The following SMYD5 variants were observed in gnomAD, a reference collection of about 807,000 sequenced individuals.
SMYD5 encodes SMYD family member 5.
SMYD5 carries 35 observed loss-of-function variants against 57.4 expected under a neutral mutation model. The observed-to-expected ratio is 0.61, with a 90% CI of 0.47 to 0.81. The LOEUF (loss-of-function observed/expected upper bound fraction) is 0.81. Ranked by LOEUF, SMYD5 falls within the 30% of genes least tolerant of loss-of-function variation. The probability of loss-of-function intolerance (pLI) is 0.00; values close to 1 mark genes in which losing one functional copy is unlikely to be tolerated. For synonymous variants in SMYD5, 198 were observed against 189.7 expected (o/e 1.04, Z -0.36); for missense variants, 471 against 527.9 (o/e 0.89, Z 1.06).
chr2:73,221,285 C>T (rs1686388482), intron 5 of SMYD5, 51 bp downstream of exon 5: 1 of 1,480,836 alleles, frequency 6.8e-7, no homozygotes, highest in Non-Finnish European at 9.4e-7. Flanking sequence ...CCATTCAACC[C>T]TTGGTCTCAG....
chr2:73,222,016 T>C, intron 6 of SMYD5, 86 bp downstream of exon 6: 1 of 851,968 alleles, frequency 1.2e-6, no homozygotes, highest in Non-Finnish European at 2.0e-6. Context: ...CCACATTTGA[T>C]CACTTCTGAG....
Position 73,224,898 on chromosome 2 carries a change from T to G in SMYD5, c.973T>G (p.Ser325Ala), listed in dbSNP as rs765406963. The change falls in exon 11 of 13, where the codon TCC becomes GCC. Residue 325 changes from serine (S) to alanine (A), a missense_variant. By Grantham distance (99) the Ser-to-Ala change is moderately conservative (BLOSUM62 1). Transcript: ENST00000389501. ...CAGTTGTGTGCCCAATGCAGAGACC[T>G]CCTTTCCAGAAAACAACTTCCTTTT... ...NHSCVPNAET[S>A]FPENNFLLHV... 22 of 1,613,934 alleles carry G rather than the reference T, an allele frequency of 1.4e-5. No homozygotes were observed. Among genetic ancestry groups the G allele is most frequent in the Non-Finnish European group, 1.8e-5 (21 of 1,179,952 alleles).
intron 1 of SMYD5, 194 bp downstream of exon 1, chr2:73,214,556 G>A: frequency 6.7e-7 from 1 of 1,485,762 alleles, no homozygotes; most frequent in Non-Finnish European, 9.0e-7. Context: ...ATAGACCCGG[G>A]CCTCCGGAGT....
rs200088476 is a variant in SMYD5 at position 73,225,606 on chromosome 2, C to G, written c.1036-25C>G. On this transcript the variant is annotated intron_variant, in intron 11 of 12. Coordinates refer to ENST00000389501, the MANE Select transcript of SMYD5 (RefSeq NM_006062.3). ...TGCCATTTAAAAGAGCACAGACCATCAGACTGCACTTCTCTGCCCTACAGG... is the reference window on the plus strand; with the variant it reads ...TGCCATTTAAAAGAGCACAGACCATGAGACTGCACTTCTCTGCCCTACAGG... 37 of 1,609,142 alleles carry G rather than the reference C, an allele frequency of 2.3e-5. No individual in the cohort carries two copies. In the African/African-American group the frequency reaches 4.8e-4, roughly 21 times the overall value.
Position 73,224,009 on chromosome 2 carries a change from T to C in SMYD5, c.940+6T>C, listed in dbSNP as rs1260259222. ...CTTTGTGCTTCAGAGCTGCTGTGAGTCATGGCGTTGAGGAGGGATGGTCCC... is the reference window on the plus strand; with the variant it reads ...CTTTGTGCTTCAGAGCTGCTGTGAGCCATGGCGTTGAGGAGGGATGGTCCC... On this transcript the variant is annotated splice_donor_region_variant and intron_variant, in intron 10 of 12. Transcript: ENST00000389501. 4 of 1,613,736 alleles carry C rather than the reference T, an allele frequency of 2.5e-6. No individual in the cohort carries two copies. The highest frequency in any genetic ancestry group is 3.4e-6 in the Non-Finnish European group (4 of 1,179,762).
At position 73,214,712 on chromosome 2, in the gene SMYD5, A is replaced by C. The variant is rs933186642; in HGVS notation, c.96+350A>C. 1.2e-5 allele frequency: 17 copies of C among 1,360,518 alleles called. No homozygotes were observed. The African/African-American group carries it at 2.2e-4, about 18-fold the overall frequency. 84.3% of individuals were successfully genotyped at this position (1,360,518 alleles called of 1,614,324 possible). A position where few individuals can be genotyped will look rare whatever the true frequency, so the allele number is the denominator to read the frequency against. ...CCGGGCAGAGAGAACTGAGGTGTAA[A>C]AGAGGGAGTCCTCACGAACTTCATG... On this transcript the variant is annotated intron_variant, in intron 1 of 12. Transcript: ENST00000389501.
intron 1 of SMYD5, chr2:73,214,689 G>A (rs1336469692): frequency 1.4e-6 from 2 of 1,409,334 alleles, no homozygotes; most frequent in Non-Finnish European, 1.9e-6. Flanking sequence ...GGGATGTGCC[G>A]GGCAGAGAGA....
chr2:73,226,866 C>A lies in SMYD5; in HGVS notation c.*920C>A, dbSNP rs1281348209. 1.3e-5 allele frequency: 2 copies of A among 152,682 alleles called. No homozygotes were observed. 9.5% of individuals were successfully genotyped at this position (152,682 alleles called of 1,614,324 possible). A position where few individuals can be genotyped will look rare whatever the true frequency, so the allele number is the denominator to read the frequency against. ...TCTCCATCTTTAGGGTCTCCACAGA[C>A]TAACATTGAAGTCTTCCAGAAACCT... On this transcript the variant is annotated 3_prime_UTR_variant, in exon 13 of 13. Coordinates refer to ENST00000389501, the MANE Select transcript of SMYD5 (RefSeq NM_006062.3).
In SMYD5 at chr2:73,214,585, C is replaced by T. The variant is rs957655324; in HGVS notation, c.96+223C>T. 2.7e-6 allele frequency: 4 copies of T among 1,501,074 alleles called. No individual in the cohort carries two copies. The Admixed American group carries it at 8.5e-5, about 32-fold the overall frequency. 93.0% of individuals were successfully genotyped at this position (1,501,074 alleles called of 1,614,324 possible). On this transcript the variant is annotated intron_variant, in intron 1 of 12. Transcript: ENST00000389501. The stretch of plus-strand genomic sequence containing the variant: ...CCGGAGTCTCCGTGCGCATTTCCTC[C>T]CAGCGGAATTCGGCCAGCCCGCGGG...
chr2:73,214,441 A>G, intron 1 of SMYD5, 79 bp downstream of exon 1: 1 of 1,603,988 alleles, frequency 6.2e-7, no homozygotes, highest in Non-Finnish European at 8.5e-7. Context: ...CCATGCCCGG[A>G]GCCCAGAGGC....
Position 73,225,421 on chromosome 2 carries a change from G to A in SMYD5, c.1036-210G>A, listed in dbSNP as rs1686481239. The A allele has an allele frequency of 6.2e-6, 4 of 647,306 alleles. No individual in the cohort carries two copies. In the East Asian group the frequency reaches 1.0e-4, roughly 17 times the overall value. The allele number at this position is 647,306 out of a possible 1,614,324, so 40.1% of individuals were successfully genotyped here. On this transcript the variant is annotated intron_variant, in intron 11 of 12. Coordinates refer to ENST00000389501, the MANE Select transcript of SMYD5 (RefSeq NM_006062.3). Reference sequence around the variant, plus strand: ...GGCCTGAGGCCAACCAGTCTCCTCTGTCTCAGGCACAGGCTGTTGGAGCCT... The same window carrying A: ...GGCCTGAGGCCAACCAGTCTCCTCTATCTCAGGCACAGGCTGTTGGAGCCT...
Position 73,214,330 on chromosome 2 carries a change from T to C in SMYD5, c.64T>C (p.Ser22Pro). ...CVGVAGRARV[S>P]VEVRFVSSAK... ...GGGCGTGGCGGGCCGCGCGCGGGTC[T>C]CCGTGGAAGTCCGTTTCGTGAGCAG... is the stretch of plus-strand genomic sequence containing the variant. The change falls in exon 1 of 13, where the codon TCC becomes CCC. Residue 22 changes from serine (S) to proline (P), a missense_variant. Physicochemically the swap from Ser to Pro is moderately conservative, Grantham distance 74. Transcript: ENST00000389501. 2 of 1,613,340 alleles carry C rather than the reference T, an allele frequency of 1.2e-6. No homozygotes were observed. The highest frequency in any genetic ancestry group is 1.7e-6 in the Non-Finnish European group (2 of 1,179,784).
intron 7 of SMYD5, 51 bp downstream of exon 7, chr2:73,222,868 C>A: frequency 6.4e-7 from 1 of 1,568,230 alleles, no homozygotes; most frequent in Non-Finnish European, 8.8e-7. Flanking sequence ...TCCAGCTCTC[C>A]AGGAGCAATC....
intron 11 of SMYD5, 70 bp from the exon 12 acceptor site, chr2:73,225,561 A>G: frequency 7.3e-7 from 1 of 1,370,088 alleles, no homozygotes; most frequent in Non-Finnish European, 1.0e-6. Flanking sequence ...GAGATAGGGT[A>G]GCTGTTGGGG....
intron 3 of SMYD5, 137 bp downstream of exon 3, chr2:73,220,327 A>C: frequency 1.0e-6 from 1 of 995,080 alleles, no homozygotes. Flanking sequence ...AGATGTTGAA[A>C]AGGCTTGGTT....
Position 73,223,511 on chromosome 2 carries a change from C to T in SMYD5, c.862C>T (p.Leu288=). Residue 288 remains leucine, a synonymous_variant, in exon 9 of 13, where the codon CTA becomes TTA. Coordinates refer to ENST00000389501, the MANE Select transcript of SMYD5 (RefSeq NM_006062.3). ...GCAGCTTGACGCCTTCATTGACCAGCTATACAAGGACATCGAGGCAGGTTG... is the reference window on the plus strand; with the variant it reads ...GCAGCTTGACGCCTTCATTGACCAGTTATACAAGGACATCGAGGCAGGTTG... ...REQLDAFIDQ[L]YKDIEAATGE... The T allele has an allele frequency of 6.2e-7, 1 of 1,613,638 alleles. No individual in the cohort carries two copies. Among genetic ancestry groups the T allele is most frequent in the Non-Finnish European group, 8.5e-7 (1 of 1,179,538 alleles).
In SMYD5 at chr2:73,227,005, A is replaced by C. The variant is rs557857290; in HGVS notation, c.*1059A>C. ...GATGCTATGGGAATTACAACCCATC[A>C]CTCCCAATGCCTCCCTTTCCTGGAG... is the stretch of plus-strand genomic sequence containing the variant. On this transcript the variant is annotated 3_prime_UTR_variant, in exon 13 of 13. Coordinates refer to ENST00000389501, the MANE Select transcript of SMYD5 (RefSeq NM_006062.3). The C allele has an allele frequency of 2.0e-5, 3 of 152,462 alleles. No individual in the cohort carries two copies. The East Asian group carries it at 5.8e-4, about 30-fold the overall frequency. The allele number at this position is 152,462 out of a possible 1,614,324, so 9.4% of individuals were successfully genotyped here.
intron 1 of SMYD5, chr2:73,214,597 G>A: frequency 6.6e-7 from 1 of 1,506,598 alleles, no homozygotes; most frequent in African/African-American, 1.4e-5. Context: ...AGCGGAATTC[G>A]GCCAGCCCGC....
In SMYD5 at chr2:73,216,843, T is replaced by G. The variant is rs138885888; in HGVS notation, c.97-2018T>G. Among the ~76,000 whole-genome samples the G allele has an allele frequency of 6.9e-4, 105 of 152,280 alleles. 1 individual carries two copies. In the East Asian group the frequency reaches 0.017, roughly 25 times the overall value. ...TCCTTGCTTCCCAAAGTGCTAGATT[T>G]ACAGTGTGAGCCACCATACCCGGCC... On this transcript the variant is annotated intron_variant, in intron 1 of 12. Transcript: ENST00000389501.
Sources: gnomAD v4.1 joint callset for allele counts (sites outside exome capture counted in the v4.1 genomes callset) on GRCh38, gnomAD v4.1.1 for gene constraint, MANE v1.5 for transcripts, NCBI Gene and HGNC (gene_info 2026-07-23, HGNC 2026-07-21) for gene names.